The following MYO16 variants were observed in gnomAD, a reference collection of about 807,000 sequenced individuals.
MYO16 encodes myosin XVI, also known as unconventional myosin-XVI.
MYO16 carries 94 observed loss-of-function variants against 205.3 expected under a neutral mutation model. That is an observed-to-expected ratio of 0.46 (90% CI 0.39 to 0.54). The LOEUF (loss-of-function observed/expected upper bound fraction) is 0.54. MYO16 is among the 20% of genes least tolerant of loss of function. The pLI is 0.00. For synonymous variants in MYO16, 988 were observed against 954.0 expected (o/e 1.04, Z -0.66); for missense variants, 2,315 against 2,387.5 (o/e 0.97, Z 0.63).
intron 34 of MYO16, among the ~76,000 whole-genome samples, chr13:109,198,189 AT>A (rs1187006005): frequency 1.3e-5 from 2 of 152,134 alleles, no homozygotes; most frequent in Non-Finnish European, 2.9e-5. Context: ...ACATAAAAAA[AT>A]CTCATTGAGT....
At chr13:109,189,459 A>T (rs1432426365) in intron 34 of MYO16, among the ~76,000 whole-genome samples, 4 of 152,106 alleles carry the variant, frequency 2.6e-5, no homozygotes, top group Non-Finnish European at 4.4e-5. Flanking sequence ...CTTCTTTCAG[A>T]TTATTTGGAT....
upstream of MYO16, among the ~76,000 whole-genome samples, chr13:108,593,473 C>G (rs895937153): frequency 3.3e-5 from 5 of 152,130 alleles, no homozygotes; most frequent in African/African-American, 9.7e-5. Context: ...ACCTGAGACA[C>G]CACCCACGGC....
chr13:108,537,202 C>T, the MYO16 span, among the ~76,000 whole-genome samples: 4 of 151,958 alleles, frequency 2.6e-5, no homozygotes, highest in Admixed American at 1.3e-4. Flanking sequence ...TTTTTATTTC[C>T]GTGTGTACCC....
At chr13:108,657,439 A>G (rs1304717244) in intron 1 of MYO16, among the ~76,000 whole-genome samples, 1 of 152,088 alleles carries the variant, frequency 6.6e-6, no homozygotes, top group Non-Finnish European at 1.5e-5. Flanking sequence ...ATGCTATACT[A>G]TTTTGTGTTT....
At chr13:109,074,766 C>T (rs778007062) in intron 27 of MYO16, among the ~76,000 whole-genome samples, 14 of 152,192 alleles carry the variant, frequency 9.2e-5, no homozygotes, top group Non-Finnish European at 1.0e-4. Context: ...GCTACACTTA[C>T]GCTATCAGAT....
chr13:108,518,630 A>G, the MYO16 span, among the ~76,000 whole-genome samples: 1 of 152,220 alleles, frequency 6.6e-6, no homozygotes, highest in African/African-American at 2.4e-5. Flanking sequence ...AATGTGACTT[A>G]GACAATTACA....
the MYO16 span, among the ~76,000 whole-genome samples, chr13:108,572,379 T>G: frequency 6.6e-6 from 1 of 151,752 alleles, no homozygotes; most frequent in South Asian, 2.1e-4. Context: ...AAGTGGTTCT[T>G]GTTTTATTTG....
intron 17 of MYO16, among the ~76,000 whole-genome samples, chr13:108,958,512 G>A (rs1211940481): frequency 6.6e-6 from 1 of 152,142 alleles, no homozygotes. Context: ...TCATGGCCGT[G>A]CCGTAGAAAC....
intron 21 of MYO16, among the ~76,000 whole-genome samples, chr13:109,007,415 G>C (rs1399852199): frequency 6.6e-6 from 1 of 151,892 alleles, no homozygotes; most frequent in East Asian, 1.9e-4. Flanking sequence ...AAAAAGAAAT[G>C]TGCACATTGC....
chr13:109,170,803 C>A (rs1279634472), intron 33 of MYO16, among the ~76,000 whole-genome samples: 2 of 151,982 alleles, frequency 1.3e-5, no homozygotes, highest in African/African-American at 4.8e-5. Flanking sequence ...AATATAAATT[C>A]TTTAGGAGTA....
chr13:108,861,087 C>T (rs575464256), intron 11 of MYO16, among the ~76,000 whole-genome samples: 1 of 152,142 alleles, frequency 6.6e-6, no homozygotes, highest in South Asian at 2.1e-4. Context: ...TAACGACAAA[C>T]AAACAAGGTA....
chr13:109,177,183 C>T (rs1407634507), intron 33 of MYO16, among the ~76,000 whole-genome samples: 2 of 152,158 alleles, frequency 1.3e-5, no homozygotes, highest in Admixed American at 1.3e-4. Context: ...TACTCTAGTC[C>T]GTTCCATCAG....
intron 2 of MYO16, among the ~76,000 whole-genome samples, chr13:108,689,729 G>A (rs1399500942): frequency 6.6e-6 from 1 of 151,816 alleles, no homozygotes; most frequent in African/African-American, 2.4e-5. Context: ...AAAAATAGCA[G>A]CAAAGAAGTT....
chr13:109,182,094 A>C (rs1196133848), intron 34 of MYO16, among the ~76,000 whole-genome samples: 2 of 152,200 alleles, frequency 1.3e-5, no homozygotes, highest in Non-Finnish European at 2.9e-5. Flanking sequence ...CTGGGATTAC[A>C]GGCGGGAGCC....
intron 9 of MYO16, among the ~76,000 whole-genome samples, chr13:108,840,466 T>C (rs965467999): frequency 6.6e-6 from 1 of 152,184 alleles, no homozygotes; most frequent in Non-Finnish European, 1.5e-5. Context: ...AAGGTTAATA[T>C]ACAAAATCAT....
the MYO16 span, among the ~76,000 whole-genome samples, chr13:108,582,211 G>A: frequency 4.6e-5 from 7 of 152,142 alleles, no homozygotes; most frequent in Admixed American, 1.3e-4. Flanking sequence ...GTTTGTGACT[G>A]TTTCAGGTTT....
intron 29 of MYO16, among the ~76,000 whole-genome samples, 197 bp downstream of exon 29, chr13:109,120,663 C>T (rs2139760983): frequency 6.6e-6 from 1 of 152,324 alleles, no homozygotes. Context: ...GCAACCATCT[C>T]AAAATCAACA....
intron 4 of MYO16, among the ~76,000 whole-genome samples, chr13:108,785,303 G>A (rs1324022405): frequency 6.6e-6 from 1 of 152,104 alleles, no homozygotes; most frequent in Non-Finnish European, 1.5e-5. Flanking sequence ...TATTATATTA[G>A]AAACAAGACA....
intron 12 of MYO16, among the ~76,000 whole-genome samples, chr13:108,874,232 A>G (rs940925878): frequency 3.3e-5 from 5 of 152,226 alleles, no homozygotes; most frequent in Non-Finnish European, 7.3e-5. Flanking sequence ...CACAATAAAA[A>G]AAGAAATGTG....
Sources: gnomAD v4.1 joint callset for allele counts (sites outside exome capture counted in the v4.1 genomes callset) on GRCh38, gnomAD v4.1.1 for gene constraint, MANE v1.5 for transcripts, NCBI Gene and HGNC (gene_info 2026-07-23, HGNC 2026-07-21) for gene names.